BLOC1S5: variants seen among roughly 807,000 people sequenced by gnomAD.
The protein encoded by BLOC1S5 is biogenesis of lysosome-related organelles complex 1 subunit 5.
Under a neutral mutation model 24.3 loss-of-function variants are expected in BLOC1S5, and 27 were observed. The observed-to-expected ratio is 1.11, with a 90% confidence interval of 0.82 to 1.53. BLOC1S5 has a LOEUF of 1.53. BLOC1S5 is among the 40% of genes most tolerant of loss of function. The pLI, the probability that BLOC1S5 is intolerant of heterozygous loss-of-function variation, is 0.00. For missense variants in BLOC1S5, 239 were observed against 229.4 expected (o/e 1.04, Z -0.27); for synonymous variants, 84 against 74.5 (o/e 1.13, Z -0.66).
intron 3 of BLOC1S5, among the ~76,000 whole-genome samples, chr6:8,037,278 T>C (rs774548117): frequency 2.0e-5 from 3 of 152,176 alleles, no homozygotes; most frequent in Non-Finnish European, 4.4e-5. Flanking sequence ...TTCAGTAAAG[T>C]TGCAGGATAC....
intron 2 of BLOC1S5, among the ~76,000 whole-genome samples, chr6:8,061,472 A>G (rs1764514975): frequency 2.0e-5 from 3 of 152,162 alleles, no homozygotes; most frequent in Admixed American, 2.0e-4. Context: ...TTGGCTATGT[A>G]CCTAGTTAAT....
At chr6:8,052,263 G>A (rs1051069674) in intron 2 of BLOC1S5, among the ~76,000 whole-genome samples, 6 of 152,206 alleles carry the variant, frequency 3.9e-5, no homozygotes, top group South Asian at 4.2e-4. Flanking sequence ...CACCGCGCCC[G>A]AGGTACAACA....
rs1490400392 is a variant in BLOC1S5 at position 8,027,429 on chromosome 6, G to C, written c.326-1004C>G. ...AAAATGAACATAACAACTAATAACAGGGCTTCAGAAGTGACATAAAATTTA... is the reference window on the plus strand; with the variant it reads ...AAAATGAACATAACAACTAATAACACGGCTTCAGAAGTGACATAAAATTTA... On this transcript the variant is annotated intron_variant, in intron 3 of 4. Coordinates refer to ENST00000397457, the MANE Select transcript of BLOC1S5 (RefSeq NM_201280.3). 1.5e-5 allele frequency: 7 copies of C among 456,524 alleles called. No individual in the cohort carries two copies. The Admixed American group carries it at 1.6e-4, about 11-fold the overall frequency. The allele number at this position is 456,524 out of a possible 1,614,324, so 28.3% of individuals were successfully genotyped here.
At chr6:8,058,241 C>T (rs757561573) in intron 2 of BLOC1S5, among the ~76,000 whole-genome samples, 3 of 151,318 alleles carry the variant, frequency 2.0e-5, no homozygotes, top group South Asian at 2.1e-4. Context: ...CCTTGTAGGC[C>T]GAGCATGGTG....
intron 2 of BLOC1S5, among the ~76,000 whole-genome samples, chr6:8,053,352 GTTGTC>G (rs1764195884): frequency 6.6e-6 from 1 of 152,116 alleles, no homozygotes; most frequent in East Asian, 1.9e-4. Context: ...AAACTTCATT[GTTGTC>G]TTATTTTAAG....
chr6:8,015,641 T>C lies in BLOC1S5; in HGVS notation c.*8A>G. On this transcript the variant is annotated 3_prime_UTR_variant, in exon 5 of 5. Coordinates refer to ENST00000397457, the MANE Select transcript of BLOC1S5 (RefSeq NM_201280.3). ...CTCATTAGTTTGTGATTGTTGTGGT[T>C]CAAGTTCTTAAAAGGTTGAAAATTT... 1 of 1,609,158 alleles carries C rather than the reference T, an allele frequency of 6.2e-7. No individual in the cohort carries two copies. The highest frequency in any genetic ancestry group is 8.5e-7 in the Non-Finnish European group (1 of 1,177,690).
intron 3 of BLOC1S5, among the ~76,000 whole-genome samples, chr6:8,040,416 C>A (rs1763636957): frequency 6.6e-6 from 1 of 152,188 alleles, no homozygotes; most frequent in South Asian, 2.1e-4. Flanking sequence ...TAAAATCACA[C>A]AAACTTAGTC....
At chr6:8,043,249 G>A (rs1164859059) in intron 2 of BLOC1S5, among the ~76,000 whole-genome samples, 5 of 152,126 alleles carry the variant, frequency 3.3e-5, no homozygotes, top group Non-Finnish European at 5.9e-5. Context: ...GAATAGAACA[G>A]GGAAAGGGAA....
chr6:8,058,070 T>G (rs1004215779), intron 2 of BLOC1S5, among the ~76,000 whole-genome samples: 9 of 152,344 alleles, frequency 5.9e-5, no homozygotes, highest in Middle Eastern at 3.4e-3. Context: ...ATGTCTTGTA[T>G]GACTGGTACC....
intron 3 of BLOC1S5, among the ~76,000 whole-genome samples, chr6:8,035,394 C>T (rs956417530): frequency 6.7e-6 from 1 of 148,770 alleles, no homozygotes; most frequent in African/African-American, 2.5e-5. Flanking sequence ...ATAAATAAGA[C>T]CCACCTCTAT....
intron 2 of BLOC1S5, among the ~76,000 whole-genome samples, chr6:8,058,357 GAAA>G (rs60827828): frequency 4.7e-5 from 4 of 84,544 alleles, no homozygotes; most frequent in African/African-American, 1.1e-4. Context: ...CTGTCTCTAT[GAAA>G]AAAAAAAAAA....
At chr6:8,020,863 T>C (rs1450482739) in intron 4 of BLOC1S5, among the ~76,000 whole-genome samples, 2 of 152,184 alleles carry the variant, frequency 1.3e-5, no homozygotes, top group South Asian at 2.1e-4. Flanking sequence ...GGCTTTTACA[T>C]AGAATTACCA....
intron 4 of BLOC1S5, chr6:8,018,046 G>A (rs1762802184): frequency 6.6e-6 from 1 of 152,246 alleles, no homozygotes; most frequent in Non-Finnish European, 1.5e-5. Context: ...CTTCTAAAAT[G>A]TCAGTCAAAC....
intron 2 of BLOC1S5, among the ~76,000 whole-genome samples, chr6:8,051,246 T>C (rs1406437056): frequency 6.6e-6 from 1 of 152,038 alleles, no homozygotes; most frequent in Non-Finnish European, 1.5e-5. Context: ...ACAGCCTTAT[T>C]GCTGATAGGG....
intron 3 of BLOC1S5, among the ~76,000 whole-genome samples, chr6:8,038,577 C>T (rs569891266): frequency 5.3e-5 from 8 of 152,118 alleles, no homozygotes; most frequent in Non-Finnish European, 7.4e-5. Flanking sequence ...CTCTGTCTCC[C>T]GGGTTCACGC....
intron 4 of BLOC1S5, among the ~76,000 whole-genome samples, chr6:8,021,713 G>A (rs1385024601): frequency 6.6e-6 from 1 of 152,026 alleles, no homozygotes; most frequent in East Asian, 1.9e-4. Context: ...ATTTTAAAAT[G>A]GTTATGAAGG....
chr6:8,016,196 C>T (rs368062292), intron 4 of BLOC1S5, among the ~76,000 whole-genome samples: 2 of 151,998 alleles, frequency 1.3e-5, no homozygotes, highest in East Asian at 1.9e-4. Flanking sequence ...CGTGGTGGCA[C>T]ATGGCTGTAG....
At chr6:8,053,178 A>G (rs1386876440) in intron 2 of BLOC1S5, among the ~76,000 whole-genome samples, 1 of 152,192 alleles carries the variant, frequency 6.6e-6, no homozygotes, top group Non-Finnish European at 1.5e-5. Flanking sequence ...TGAGATGACA[A>G]TAAAAGGTTT....
At chr6:8,030,700 C>G (rs952364256) in intron 3 of BLOC1S5, among the ~76,000 whole-genome samples, 1 of 151,160 alleles carries the variant, frequency 6.6e-6, no homozygotes, top group African/African-American at 2.4e-5. Flanking sequence ...GGTGAAACCC[C>G]CTTTCTACTA....
Sources: allele counts gnomAD v4.1 joint callset (sites outside exome capture counted in the v4.1 genomes callset), GRCh38; gene constraint gnomAD v4.1.1; transcripts MANE v1.5; gene names NCBI Gene and HGNC (gene_info 2026-07-23, HGNC 2026-07-21).